UNC13C: variants seen among roughly 807,000 people sequenced by gnomAD.
UNC13C encodes the protein unc-13 homolog C.
In UNC13C, 174 loss-of-function variants were observed where a neutral mutation model predicts 245.4. The ratio of observed to expected loss-of-function variants is 0.71; its 90% confidence interval spans 0.63 to 0.80. UNC13C has a LOEUF of 0.80. Among genes scored for constraint, UNC13C ranks in the 30% least tolerant of loss-of-function variants. The probability of loss-of-function intolerance (pLI) is 0.00; values close to 1 mark genes in which losing one functional copy is unlikely to be tolerated. For missense variants in UNC13C, 2,829 were observed against 2,602.9 expected (o/e 1.09, Z -1.89); for synonymous variants, 992 against 895.1 (o/e 1.11, Z -1.93).
intron 23 of UNC13C, 139 bp from the exon 24 acceptor site, chr15:54,511,614 T>C (rs1894743081): frequency 3.3e-6 from 2 of 606,966 alleles, no homozygotes; most frequent in Non-Finnish European, 5.8e-6. Flanking sequence ...AACTATAATG[T>C]TGAAATAGCA....
intron 2 of UNC13C, among the ~76,000 whole-genome samples, chr15:54,044,916 T>C (rs1896965271): frequency 6.6e-6 from 1 of 152,176 alleles, no homozygotes. Flanking sequence ...GTTTTTAGTT[T>C]GGTTATTTTT....
chr15:54,048,551 AC>A, intron 2 of UNC13C: 1 of 499,542 alleles, frequency 2.0e-6, no homozygotes, highest in Non-Finnish European at 3.8e-6. Context: ...TAAATGGAAG[AC>A]TTTTTATAGA....
At chr15:54,626,312 G>A (rs1901142050) in intron 32 of UNC13C, among the ~76,000 whole-genome samples, 1 of 147,230 alleles carries the variant, frequency 6.8e-6, no homozygotes, top group Admixed American at 6.8e-5. Flanking sequence ...TCTGGATGGA[G>A]ATTTGTATCC....
intron 17 of UNC13C, among the ~76,000 whole-genome samples, chr15:54,370,279 G>C (rs1448668754): frequency 6.6e-6 from 1 of 152,034 alleles, no homozygotes; most frequent in Non-Finnish European, 1.5e-5. Context: ...CTGAGAAATA[G>C]TCATTTTAAG....
At chr15:54,362,108 T>C (rs1420747956) in intron 17 of UNC13C, among the ~76,000 whole-genome samples, 3 of 152,172 alleles carry the variant, frequency 2.0e-5, no homozygotes, top group African/African-American at 7.2e-5. Flanking sequence ...TCCATGCTGA[T>C]TAGAGGGAAG....
At chr15:54,475,549 C>T (rs1028126819) in intron 19 of UNC13C, among the ~76,000 whole-genome samples, 14 of 151,250 alleles carry the variant, frequency 9.3e-5, no homozygotes, top group African/African-American at 3.4e-4. Context: ...TGAGTGAGAA[C>T]ATGCAGTGTT....
intron 19 of UNC13C, among the ~76,000 whole-genome samples, chr15:54,464,529 A>G (rs1043768212): frequency 2.6e-5 from 4 of 152,124 alleles, no homozygotes; most frequent in African/African-American, 9.7e-5. Flanking sequence ...TTTTTCTTCT[A>G]AAGGATGAAA....
rs552490496 is a variant in UNC13C, at chr15:54,308,815, C to A, written c.4268+8442C>A. ...TTAACATAATGTTCTCCATGTTCATCCATGTTGTTGCAAATGATAAAATTT... is the reference window on the plus strand; with the variant it reads ...TTAACATAATGTTCTCCATGTTCATACATGTTGTTGCAAATGATAAAATTT... On this transcript the variant is annotated intron_variant, in intron 13 of 32. Coordinates refer to ENST00000260323, the MANE Select transcript of UNC13C (RefSeq NM_001080534.3). Among the ~76,000 whole-genome samples the A allele has an allele frequency of 5.9e-5, 9 of 151,808 alleles. No homozygotes were observed. In the South Asian group the frequency reaches 1.9e-3, roughly 32 times the overall value.
At chr15:54,179,720 C>A (rs996107340) in intron 4 of UNC13C, among the ~76,000 whole-genome samples, 3 of 151,882 alleles carry the variant, frequency 2.0e-5, no homozygotes, top group Non-Finnish European at 4.4e-5. Context: ...AAAACCAAAT[C>A]AATATTTAAA....
intron 10 of UNC13C, among the ~76,000 whole-genome samples, chr15:54,282,533 C>A (rs933608131): frequency 1.3e-5 from 2 of 152,120 alleles, no homozygotes; most frequent in Non-Finnish European, 2.9e-5. Flanking sequence ...TGAGGGTGCC[C>A]ACGACCCCAA....
chr15:54,583,121 G>T (rs1338657032), intron 30 of UNC13C, among the ~76,000 whole-genome samples: 1 of 152,118 alleles, frequency 6.6e-6, no homozygotes, highest in African/African-American at 2.4e-5. Flanking sequence ...ACCACAATTT[G>T]AGAACCGTTG....
Position 54,289,570 on chromosome 15 carries a change from A to G in UNC13C, c.3819-4325A>G, listed in dbSNP as rs1196663811. On this transcript the variant is annotated intron_variant, in intron 10 of 32. Coordinates refer to ENST00000260323, the MANE Select transcript of UNC13C (RefSeq NM_001080534.3). ...ATGTTAGTGAGTATTCTTAGTTGCAAACAACACAGTCCACTTTGGTTAGTT... is the reference window on the plus strand; with the variant it reads ...ATGTTAGTGAGTATTCTTAGTTGCAGACAACACAGTCCACTTTGGTTAGTT... Among the ~76,000 whole-genome samples the G allele has an allele frequency of 2.0e-5, 3 of 152,182 alleles. No individual in the cohort carries two copies. The East Asian group carries it at 5.8e-4, about 29-fold the overall frequency.
At chr15:54,376,864 GTGT>G (rs2039618649) in intron 17 of UNC13C, among the ~76,000 whole-genome samples, 1 of 152,188 alleles carries the variant, frequency 6.6e-6, no homozygotes, top group African/African-American at 2.4e-5. Context: ...GAACCTCAGA[GTGT>G]TACCTGATTT....
At chr15:54,309,767 T>A (rs1426052674) in intron 13 of UNC13C, among the ~76,000 whole-genome samples, 1 of 151,876 alleles carries the variant, frequency 6.6e-6, no homozygotes, top group African/African-American at 2.4e-5. Flanking sequence ...GAGATTATCC[T>A]TTTCTCATTG....
the UNC13C span, among the ~76,000 whole-genome samples, chr15:53,918,555 G>A: frequency 6.6e-6 from 1 of 152,184 alleles, no homozygotes; most frequent in Non-Finnish European, 1.5e-5. Context: ...TCATTTTAAA[G>A]TCTGTCCCTG....
At chr15:54,242,172 T>C (rs2035870866) in intron 7 of UNC13C, among the ~76,000 whole-genome samples, 1 of 152,206 alleles carries the variant, frequency 6.6e-6, no homozygotes, top group Non-Finnish European at 1.5e-5. Flanking sequence ...ATAAGATAAG[T>C]GAGGAAGATT....
intron 2 of UNC13C, among the ~76,000 whole-genome samples, chr15:54,038,120 A>ATTTTTTTTTTTTTTTTTT (rs1246982047): frequency 6.6e-5 from 3 of 45,200 alleles, no homozygotes; most frequent in South Asian, 9.4e-4. Flanking sequence ...ATATATATAT[A>ATTTTTTTTTTTTTTTTTT]TATATTTTTT....
At position 54,344,088 on chromosome 15, in the gene UNC13C, A is replaced by G. The variant is rs117078663; in HGVS notation, c.4713+5599A>G. The stretch of plus-strand genomic sequence containing the variant: ...TTGGACAATGCAGAAACTAACATGG[A>G]AGTTCGAAAGTTGGGGCCTGGTTAA... On this transcript the variant is annotated intron_variant, in intron 17 of 32. Transcript: ENST00000260323. Among the ~76,000 whole-genome samples the G allele has an allele frequency of 8.9e-3, 1,358 of 152,286 alleles. 15 individuals carry two copies. The highest frequency in any genetic ancestry group is 0.011 in the Non-Finnish European group (781 of 68,016).
chr15:53,970,620 G>A, the UNC13C span, among the ~76,000 whole-genome samples: 2 of 152,066 alleles, frequency 1.3e-5, no homozygotes, highest in Admixed American at 6.6e-5. Context: ...ATAAGTGGGA[G>A]CTGAACGATG....
Sources: gnomAD v4.1 joint callset for allele counts (sites outside exome capture counted in the v4.1 genomes callset) on GRCh38, gnomAD v4.1.1 for gene constraint, MANE v1.5 for transcripts, NCBI Gene and HGNC (gene_info 2026-07-23, HGNC 2026-07-21) for gene names.